ARMH3: variants seen among roughly 807,000 people sequenced by gnomAD.
ARMH3 encodes armadillo-like helical domain-containing protein 3.
A neutral mutation model predicts 99.1 loss-of-function variants in ARMH3; 60 were observed. The observed-to-expected ratio is 0.61, with a 90% CI of 0.49 to 0.75. The LOEUF is 0.75. ARMH3 is among the 30% of genes least tolerant of loss of function. ARMH3 has a pLI of 0.00. For missense variants in ARMH3, 679 were observed against 843.1 expected (o/e 0.81, Z 2.41); for synonymous variants, 285 against 292.8 (o/e 0.97, Z 0.27).
chr10:101,905,732 T>C (rs1334625638), intron 23 of ARMH3, among the ~76,000 whole-genome samples: 2 of 152,178 alleles, frequency 1.3e-5, no homozygotes, highest in East Asian at 3.8e-4. Flanking sequence ...CATTATCCTA[T>C]CCCTATCAAT....
At position 101,957,025 on chromosome 10, in the gene ARMH3, A is replaced by G. The variant is rs560660778; in HGVS notation, c.1579-302T>C. ...ATAACTATTATATCTGTGTGGTGCA[A>G]ACATCATATAATGGTGTGCTACTGC... is the stretch of plus-strand genomic sequence containing the variant. On this transcript the variant is annotated intron_variant, in intron 21 of 25. Coordinates refer to ENST00000370033, the MANE Select transcript of ARMH3 (RefSeq NM_024541.3). Among the ~76,000 whole-genome samples the G allele has an allele frequency of 2.6e-5, 4 of 152,310 alleles. No individual in the cohort carries two copies. In the South Asian group the frequency reaches 8.3e-4, roughly 32 times the overall value.
intron 23 of ARMH3, among the ~76,000 whole-genome samples, chr10:101,939,252 G>A (rs753980415): frequency 2.0e-4 from 30 of 152,274 alleles, no homozygotes; most frequent in Non-Finnish European, 3.5e-4. Context: ...AAGAAAAGTC[G>A]AATTTAGGTT....
chr10:101,913,801 C>T (rs1842968609), intron 23 of ARMH3, among the ~76,000 whole-genome samples: 1 of 152,172 alleles, frequency 6.6e-6, no homozygotes, highest in Non-Finnish European at 1.5e-5. Context: ...GGAGGGAACA[C>T]TTCAGAAACT....
intron 1 of ARMH3, among the ~76,000 whole-genome samples, chr10:102,041,090 A>AATATATATATAT (rs59124276): frequency 1.6e-4 from 21 of 132,572 alleles, no homozygotes; most frequent in Non-Finnish European, 2.9e-4. Context: ...ATATATATAT[A>AATATATATATAT]ATATATATAT....
At chr10:101,884,084 G>A (rs1023801183) in intron 24 of ARMH3, among the ~76,000 whole-genome samples, 16 of 151,818 alleles carry the variant, frequency 1.1e-4, no homozygotes, top group African/African-American at 2.4e-4. Flanking sequence ...CCAGAATTTC[G>A]GAAGGCTTAC....
chr10:102,027,278 CA>C (rs1228063848), intron 5 of ARMH3, among the ~76,000 whole-genome samples: 677 of 56,506 alleles, frequency 0.012, 2 homozygotes, highest in African/African-American at 0.03. Flanking sequence ...GATTCCGTCT[CA>C]AAAAAAAAAA....
chr10:101,982,021 CAAAAAAAAAAAAAA>C (rs71016356), intron 19 of ARMH3, among the ~76,000 whole-genome samples: 3 of 58,998 alleles, frequency 5.1e-5, no homozygotes, highest in African/African-American at 2.4e-4. Context: ...GACTCTATCT[CAAAAAAAAAAAAAA>C]AAAAAAAAAC....
At chr10:101,963,931 C>A (rs1845424868) in intron 20 of ARMH3, among the ~76,000 whole-genome samples, 1 of 148,448 alleles carries the variant, frequency 6.7e-6, no homozygotes, top group African/African-American at 2.5e-5. Flanking sequence ...GGCTGGACTG[C>A]AGTGGTGTGA....
chr10:102,029,356 A>G, intron 5 of ARMH3: 1 of 1,160,898 alleles, frequency 8.6e-7, no homozygotes, highest in Non-Finnish European at 1.2e-6. Context: ...TTAAATTCAT[A>G]AATGTTCTTA....
intron 20 of ARMH3, among the ~76,000 whole-genome samples, chr10:101,967,364 G>A (rs1845582639): frequency 6.6e-6 from 1 of 152,168 alleles, no homozygotes; most frequent in African/African-American, 2.4e-5. Flanking sequence ...CAGGGACATT[G>A]CCAGCAATCA....
Position 101,881,421 on chromosome 10 carries a change from T to G in ARMH3, c.1860+7991A>C, listed in dbSNP as rs545397210. On this transcript the variant is annotated intron_variant, in intron 24 of 25. Transcript: ENST00000370033. The stretch of plus-strand genomic sequence containing the variant: ...TGGTGGTTACCAGGGCAGCTGAGGG[T>G]TGGGGGGAAGTTGTTCAATTCTGCA... Among the ~76,000 whole-genome samples the G allele has an allele frequency of 6.0e-3, 909 of 151,994 alleles. 10 individuals are homozygous for G. Among genetic ancestry groups the G allele is most frequent in the South Asian group, 0.014 (65 of 4,800 alleles).
At chr10:102,015,638 T>C (rs1262429356) in intron 8 of ARMH3, among the ~76,000 whole-genome samples, 1 of 152,146 alleles carries the variant, frequency 6.6e-6, no homozygotes, top group South Asian at 2.1e-4. Context: ...GGTCCGCCTG[T>C]CTCGGCCTCC....
intron 20 of ARMH3, among the ~76,000 whole-genome samples, chr10:101,958,577 C>T (rs904098569): frequency 1.3e-5 from 2 of 152,192 alleles, no homozygotes; most frequent in African/African-American, 2.4e-5. Context: ...GTACCTACCT[C>T]CCCTACTTGA....
In ARMH3 at chr10:102,019,703, G is replaced by A. The variant is rs1213681123; in HGVS notation, c.669+3774C>T. Among the ~76,000 whole-genome samples the A allele has an allele frequency of 4.0e-5, 6 of 151,746 alleles. No individual in the cohort carries two copies. In the South Asian group the frequency reaches 8.3e-4, roughly 21 times the overall value. On this transcript the variant is annotated intron_variant, in intron 8 of 25. Transcript: ENST00000370033. ...AGCACTTTGGGAGGCCGAGGCGGGC[G>A]GATCACAAGGTCAGGAGATCGAGAC...
intron 24 of ARMH3, among the ~76,000 whole-genome samples, chr10:101,883,974 C>T (rs2067477958): frequency 6.6e-6 from 1 of 151,372 alleles, no homozygotes; most frequent in South Asian, 2.1e-4. Flanking sequence ...TTCTGGGCAA[C>T]AGAGGGAGAT....
chr10:101,963,112 G>C (rs1845374429), intron 20 of ARMH3, among the ~76,000 whole-genome samples: 1 of 150,434 alleles, frequency 6.6e-6, no homozygotes, highest in Non-Finnish European at 1.5e-5. Context: ...TGGGATTACA[G>C]GAACCCATCA....
intron 23 of ARMH3, among the ~76,000 whole-genome samples, chr10:101,918,060 G>T (rs984650794): frequency 2.6e-5 from 4 of 152,028 alleles, no homozygotes; most frequent in Admixed American, 2.0e-4. Context: ...TTGTTTGTTT[G>T]TTTTTTTAGA....
chr10:101,944,970 C>A (rs748013199), intron 22 of ARMH3, among the ~76,000 whole-genome samples: 6 of 152,178 alleles, frequency 3.9e-5, no homozygotes, highest in African/African-American at 7.2e-5. Context: ...ACAAAAATAT[C>A]TTTTTAAAAA....
chr10:101,990,016 G>A (rs1846705664), intron 19 of ARMH3, among the ~76,000 whole-genome samples: 1 of 152,190 alleles, frequency 6.6e-6, no homozygotes, highest in Non-Finnish European at 1.5e-5. Flanking sequence ...TCTTCATGCA[G>A]TGTGCCTAGA....
Sources: gnomAD v4.1 joint callset for allele counts (sites outside exome capture counted in the v4.1 genomes callset) on GRCh38, gnomAD v4.1.1 for gene constraint, MANE v1.5 for transcripts, NCBI Gene and HGNC (gene_info 2026-07-23, HGNC 2026-07-21) for gene names.